The following PPARA variants were observed in gnomAD, a reference collection of about 807,000 sequenced individuals.
PPARA encodes the protein peroxisome proliferator activated receptor alpha, also known as peroxisome proliferator-activated receptor alpha.
A neutral mutation model predicts 42.2 loss-of-function variants in PPARA; 22 were observed. The observed-to-expected ratio is 0.52, with a 90% CI of 0.37 to 0.74. The LOEUF (loss-of-function observed/expected upper bound fraction) is 0.74. Among genes scored for constraint, PPARA ranks in the 30% least tolerant of loss-of-function variants. The pLI is 0.00. For synonymous variants in PPARA, 242 were observed against 239.3 expected (o/e 1.01, Z -0.10); for missense variants, 465 against 608.2 (o/e 0.76, Z 2.48).
chr22:46,175,586 C>T (rs942942921), intron 2 of PPARA, among the ~76,000 whole-genome samples: 9 of 151,664 alleles, frequency 5.9e-5, no homozygotes, highest in South Asian at 2.1e-4. Context: ...TGGTGGCGGG[C>T]GCCTGTAGTC....
At chr22:46,159,234 T>C (rs576089347) in intron 2 of PPARA, among the ~76,000 whole-genome samples, 23 of 152,258 alleles carry the variant, frequency 1.5e-4, no homozygotes, top group Non-Finnish European at 5.9e-5. Flanking sequence ...ACACAAATGA[T>C]GTTTAAAGAA....
Position 46,218,304 on chromosome 22 carries a change from C to T in PPARA, c.411C>T (p.Asp137=). The T allele has an allele frequency of 1.2e-6, 2 of 1,614,110 alleles. No individual in the cohort carries two copies. The highest frequency in any genetic ancestry group is 1.1e-5 in the South Asian group (1 of 91,076). The part of the protein sequence containing the change: ...RRTIRLKLVY[D]KCDRSCKIQK... ...CGATTCGACTCAAGCTGGTGTATGA[C>T]AAGTGCGACCGCAGCTGCAAGATCC... is the stretch of plus-strand genomic sequence containing the variant. Residue 137 remains aspartate (D), a synonymous_variant, in exon 6 of 9, where the codon GAC becomes GAT. Coordinates refer to ENST00000407236, the MANE Select transcript of PPARA (RefSeq NM_005036.6).
At position 46,221,163 on chromosome 22, in the gene PPARA, AC is replaced by A. The variant is rs368486217; in HGVS notation, c.711+1150del. 2.0e-3 allele frequency among the ~76,000 whole-genome samples: 307 copies of A among 152,250 alleles called. No individual in the cohort carries two copies. The highest frequency in any genetic ancestry group is 7.3e-3 in the African/African-American group (302 of 41,536). ...GGCGTCTTGCATGGCAGGAGCAAAA[AC>A]AAGAGACACACACTTTTCACCCATC... On this transcript the variant is annotated intron_variant, in intron 7 of 8. Coordinates refer to ENST00000407236, the MANE Select transcript of PPARA (RefSeq NM_005036.6). The surrounding 1 kb of genome is among the most constrained non-coding windows in gnomAD (Gnocchi z 5.9).
Position 46,184,036 on chromosome 22 carries a change from G to C in PPARA, c.-43+7200G>C, listed in dbSNP as rs981340338. The stretch of plus-strand genomic sequence containing the variant: ...TGCCTCATGGGGTTGCTGTTACCAG[G>C]AAGTGAGTTAATGCACATTAGGTTC... On this transcript the variant is annotated intron_variant, in intron 3 of 8. Transcript: ENST00000407236. This position sits in a 1 kb window ranked among gnomAD's most constrained non-coding sequence, Gnocchi z 4.4. 2.6e-5 allele frequency among the ~76,000 whole-genome samples: 4 copies of C among 152,132 alleles called. No individual in the cohort carries two copies. Among genetic ancestry groups the C allele is most frequent in the African/African-American group, 9.7e-5 (4 of 41,414 alleles).
At chr22:46,205,932 A>G (rs1462282037) in intron 4 of PPARA, among the ~76,000 whole-genome samples, 1 of 152,072 alleles carries the variant, frequency 6.6e-6, no homozygotes, top group Non-Finnish European at 1.5e-5. Context: ...TGGTGTTAAC[A>G]TGGTATATCT....
At chr22:46,206,306 C>T (rs924722765) in intron 4 of PPARA, among the ~76,000 whole-genome samples, 6 of 151,922 alleles carry the variant, frequency 3.9e-5, no homozygotes, top group African/African-American at 9.7e-5. Context: ...TTACTAGAGA[C>T]GGGTTTCACT....
rs1930490863 is a variant in PPARA, at chr22:46,185,169, A to G, written c.-43+8333A>G. Among the ~76,000 whole-genome samples, 4 of 152,018 alleles carry G rather than the reference A, an allele frequency of 2.6e-5. No individual in the cohort carries two copies. In the South Asian group the frequency reaches 8.3e-4, roughly 32 times the overall value. ...TTGTCTCCTGGACTGGTCCTCTCTT[A>G]CTTCTCTTGCTTCTCCCATGTTCCA... On this transcript the variant is annotated intron_variant, in intron 3 of 8. Coordinates refer to ENST00000407236, the MANE Select transcript of PPARA (RefSeq NM_005036.6).
In PPARA at chr22:46,191,799, G is replaced by A. The variant is rs960657226; in HGVS notation, c.-42-6543G>A. 6.6e-6 allele frequency among the ~76,000 whole-genome samples: 1 copy of A among 152,204 alleles called. No individual in the cohort carries two copies. The highest frequency in any genetic ancestry group is 1.5e-5 in the Non-Finnish European group (1 of 68,040). On this transcript the variant is annotated intron_variant, in intron 3 of 8. Coordinates refer to ENST00000407236, the MANE Select transcript of PPARA (RefSeq NM_005036.6). This position sits in a 1 kb window ranked among gnomAD's most constrained non-coding sequence, Gnocchi z 4.6. ...AATAGATATTGAGGCCAGGCGCGGTGGCTCATGCCTGTAATCCCAGCACTT... is the reference window on the plus strand; with the variant it reads ...AATAGATATTGAGGCCAGGCGCGGTAGCTCATGCCTGTAATCCCAGCACTT...
intron 2 of PPARA, chr22:46,155,014 AAAAAAAAAAAAAAC>A (rs1337522979): frequency 6.8e-6 from 1 of 147,342 alleles, no homozygotes; most frequent in African/African-American, 2.5e-5. Flanking sequence ...AAAAAAAAAA[AAAAAAAAAAAAAAC>A]CACATTAATT....
chr22:46,231,733 T>G lies in PPARA; in HGVS notation c.712-59T>G, dbSNP rs757614387. The G allele has an allele frequency of 1.3e-6, 2 of 1,537,080 alleles. No homozygotes were observed. The highest frequency in any genetic ancestry group is 2.7e-5 in the African/African-American group (2 of 73,432). ...CAGGAGCTGCTCATTAGTGAGCTGA[T>G]AGCTGGGAGCATAGCGCATCCCACA... On this transcript the variant is annotated intron_variant, in intron 7 of 8. Coordinates refer to ENST00000407236, the MANE Select transcript of PPARA (RefSeq NM_005036.6). The surrounding 1 kb of genome is among the most constrained non-coding windows in gnomAD (Gnocchi z 7.7).
At position 46,232,038 on chromosome 22, in the gene PPARA, A is replaced by G. The variant is rs781580066; in HGVS notation, c.958A>G (p.Met320Val). Reference protein sequence around the residue: ...KYGVYEAIFAMLSSVMNKDGM... With the variant: ...KYGVYEAIFAVLSSVMNKDGM... Reference sequence around the variant, plus strand: ...CGGAGTTTATGAGGCCATATTCGCCATGCTGTCTTCTGTGATGAACAAAGA... The same window carrying G: ...CGGAGTTTATGAGGCCATATTCGCCGTGCTGTCTTCTGTGATGAACAAAGA... The change falls in exon 8 of 9, where the codon ATG becomes GTG. Residue 320 changes from methionine to valine, a missense_variant. Transcript: ENST00000407236. The surrounding 1 kb of genome is among the most constrained non-coding windows in gnomAD (Gnocchi z 5.3). The G allele has an allele frequency of 1.9e-6, 3 of 1,614,236 alleles. No individual in the cohort carries two copies. The highest frequency in any genetic ancestry group is 2.5e-6 in the Non-Finnish European group (3 of 1,180,034).
chr22:46,215,384 T>G (rs370528678), intron 5 of PPARA, 51 bp downstream of exon 5: 1 of 1,609,504 alleles, frequency 6.2e-7, no homozygotes, highest in Admixed American at 1.7e-5. Context: ...CAACTACTTA[T>G]GGTCACTTTT....
chr22:46,195,980 C>T lies in PPARA; in HGVS notation c.-42-2362C>T, dbSNP rs1198057028. Among the ~76,000 whole-genome samples, 1 of 152,166 alleles carries T rather than the reference C, an allele frequency of 6.6e-6. No individual in the cohort carries two copies. The highest frequency in any genetic ancestry group is 1.5e-5 in the Non-Finnish European group (1 of 68,024). On this transcript the variant is annotated intron_variant, in intron 3 of 8. Transcript: ENST00000407236. This position sits in a 1 kb window ranked among gnomAD's most constrained non-coding sequence, Gnocchi z 4.6. Reference sequence around the variant, plus strand: ...GAAGGCAGCGGTGGGCAGGGCGGTTCAGGCAGGTGGCACCTGGGCAAAGGT... The same window carrying T: ...GAAGGCAGCGGTGGGCAGGGCGGTTTAGGCAGGTGGCACCTGGGCAAAGGT...
In PPARA at chr22:46,188,288, G is replaced by A. The variant is rs1041462938; in HGVS notation, c.-42-10054G>A. Among the ~76,000 whole-genome samples the A allele has an allele frequency of 3.3e-5, 5 of 152,238 alleles. No individual in the cohort carries two copies. In the South Asian group the frequency reaches 1.0e-3, roughly 31 times the overall value. ...TACAACTCTTGGAGCCAGTTGTTCA[G>A]CCATTCTCAACCACTTATTCAATGA... On this transcript the variant is annotated intron_variant, in intron 3 of 8. Coordinates refer to ENST00000407236, the MANE Select transcript of PPARA (RefSeq NM_005036.6). The surrounding 1 kb of genome is among the most constrained non-coding windows in gnomAD (Gnocchi z 5.0).
At chr22:46,174,816 C>CA (rs1398748045) in intron 2 of PPARA, among the ~76,000 whole-genome samples, 1 of 151,838 alleles carries the variant, frequency 6.6e-6, no homozygotes, top group Non-Finnish European at 1.5e-5. Flanking sequence ...GACCCTGTAT[C>CA]AAAAAAACAA....
In PPARA at chr22:46,162,621, C is replaced by A. The variant is rs911685630; in HGVS notation, c.-127+10651C>A. 1.3e-5 allele frequency among the ~76,000 whole-genome samples: 2 copies of A among 152,162 alleles called. No individual in the cohort carries two copies. The highest frequency in any genetic ancestry group is 4.8e-5 in the African/African-American group (2 of 41,438). Reference sequence around the variant, plus strand: ...GTGACAGTGGCTCTCCCTGAGACCCCGTGAGGCCAGAGTCCTTGGCTCATC... The same window carrying A: ...GTGACAGTGGCTCTCCCTGAGACCCAGTGAGGCCAGAGTCCTTGGCTCATC... On this transcript the variant is annotated intron_variant, in intron 2 of 8. Coordinates refer to ENST00000407236, the MANE Select transcript of PPARA (RefSeq NM_005036.6). This position sits in a 1 kb window ranked among gnomAD's most constrained non-coding sequence, Gnocchi z 6.0.
chr22:46,217,624 A>G (rs1276734738), intron 5 of PPARA, among the ~76,000 whole-genome samples: 2 of 152,162 alleles, frequency 1.3e-5, no homozygotes, highest in African/African-American at 4.8e-5. Context: ...GGGGATAGTT[A>G]CATTCATATA....
chr22:46,226,616 T>C (rs1935476104), intron 7 of PPARA, among the ~76,000 whole-genome samples: 1 of 152,194 alleles, frequency 6.6e-6, no homozygotes, highest in Non-Finnish European at 1.5e-5. Context: ...ATGAGTCCAT[T>C]GTAGCTAGAC....
Position 46,232,409 on chromosome 22 carries a change from T to C in PPARA, c.1159+170T>C, listed in dbSNP as rs971447358. Among the ~76,000 whole-genome samples, 11 of 152,122 alleles carry C rather than the reference T, an allele frequency of 7.2e-5. 1 individual carries two copies. Among genetic ancestry groups the C allele is most frequent in the Admixed American group, 7.2e-4 (11 of 15,272 alleles). Reference sequence around the variant, plus strand: ...ACTGCTGAGAATTCAGTGGGAATTATAACAATATTGTATAATATTATAGTA... The same window carrying C: ...ACTGCTGAGAATTCAGTGGGAATTACAACAATATTGTATAATATTATAGTA... On this transcript the variant is annotated intron_variant, in intron 8 of 8. Transcript: ENST00000407236. The surrounding 1 kb of genome is among the most constrained non-coding windows in gnomAD (Gnocchi z 5.3).
Sources: allele counts gnomAD v4.1 joint callset (sites outside exome capture counted in the v4.1 genomes callset), GRCh38; gene constraint gnomAD v4.1.1; non-coding constraint Gnocchi (gnomAD v3.1); transcripts MANE v1.5; gene names NCBI Gene and HGNC (gene_info 2026-07-23, HGNC 2026-07-21).